The following GRIK2 variants were observed in gnomAD, a reference collection of about 807,000 sequenced individuals.
GRIK2 encodes glutamate ionotropic receptor kainate type subunit 2, also known as glutamate receptor ionotropic, kainate 2.
In GRIK2, 32 loss-of-function variants were observed where a neutral mutation model predicts 100.3. That is an observed-to-expected ratio of 0.32 (90% CI 0.24 to 0.43). GRIK2 has a LOEUF of 0.43. Among genes scored for constraint, GRIK2 ranks in the 20% least tolerant of loss-of-function variants. The probability of loss-of-function intolerance (pLI) is 1.00; values close to 1 mark genes in which losing one functional copy is unlikely to be tolerated. For missense variants in GRIK2, 843 were observed against 1,114.9 expected, an observed-to-expected ratio of 0.76 and a Z score of 3.47; for synonymous variants, 417 against 389.4, an observed-to-expected ratio of 1.07 and a Z score of -0.83.
intron 2 of GRIK2, among the ~76,000 whole-genome samples, chr6:101,604,556 C>A (rs182372430): frequency 6.6e-6 from 1 of 151,940 alleles, no homozygotes; most frequent in Admixed American, 6.6e-5. Flanking sequence ...AGAAGAATAG[C>A]CATTTTCCAA....
chr6:101,861,444 A>C (rs540713661), intron 11 of GRIK2, among the ~76,000 whole-genome samples: 2 of 152,276 alleles, frequency 1.3e-5, no homozygotes, highest in African/African-American at 4.8e-5. Context: ...TATTAACTGG[A>C]TCCTTTGCTG....
rs1770737194 is a variant in GRIK2 at position 102,043,940 on chromosome 6, C to A, written c.2311+8374C>A. On this transcript the variant is annotated intron_variant, in intron 15 of 16. Coordinates refer to ENST00000369134, the MANE Select transcript of GRIK2 (RefSeq NM_021956.5). Reference sequence around the variant, plus strand: ...TCTTGCCACCACCATGTAAAAAGTGCTTTTCACTTTCCTCTGTGATTGTGA... The same window carrying A: ...TCTTGCCACCACCATGTAAAAAGTGATTTTCACTTTCCTCTGTGATTGTGA... Among the ~76,000 whole-genome samples the A allele has an allele frequency of 2.0e-5, 3 of 151,894 alleles. 1 individual carries two copies. The South Asian group carries it at 6.2e-4, about 31-fold the overall frequency.
At chr6:102,008,659 A>T (rs556162613) in intron 14 of GRIK2, among the ~76,000 whole-genome samples, 2 of 152,222 alleles carry the variant, frequency 1.3e-5, no homozygotes, top group African/African-American at 4.8e-5. Flanking sequence ...TGTCTTTTCC[A>T]ACTGTAAAAT....
At chr6:101,723,263 TC>T (rs1439540731) in intron 7 of GRIK2, among the ~76,000 whole-genome samples, 2 of 151,890 alleles carry the variant, frequency 1.3e-5, no homozygotes, top group Non-Finnish European at 2.9e-5. Context: ...AAAAAATAAA[TC>T]TATATAAACT....
chr6:102,018,493 G>A (rs1052671242), intron 14 of GRIK2, among the ~76,000 whole-genome samples: 1 of 152,064 alleles, frequency 6.6e-6, no homozygotes, highest in Non-Finnish European at 1.5e-5. Flanking sequence ...CACCATGACT[G>A]GGTTCCCCTA....
At chr6:101,823,983 T>G (rs968847372) in intron 10 of GRIK2, among the ~76,000 whole-genome samples, 1 of 151,422 alleles carries the variant, frequency 6.6e-6, no homozygotes, top group Non-Finnish European at 1.5e-5. Flanking sequence ...TTCTCCTGCC[T>G]CAGCCTCCTG....
At chr6:101,642,773 A>G (rs1161336839) in intron 4 of GRIK2, among the ~76,000 whole-genome samples, 11 of 151,700 alleles carry the variant, frequency 7.3e-5, no homozygotes, top group Non-Finnish European at 1.6e-4. Context: ...TTGCTGGATC[A>G]TATATTACTT....
intron 2 of GRIK2, among the ~76,000 whole-genome samples, chr6:101,537,532 C>CT (rs1253600328): frequency 6.6e-6 from 1 of 150,904 alleles, no homozygotes; most frequent in East Asian, 1.9e-4. Flanking sequence ...AAAGCAATGG[C>CT]TTTTTTAAGT....
At chr6:101,792,893 G>A (rs1323643061) in intron 7 of GRIK2, among the ~76,000 whole-genome samples, 4 of 152,042 alleles carry the variant, frequency 2.6e-5, no homozygotes, top group African/African-American at 9.7e-5. Flanking sequence ...ATTTCTTGGA[G>A]GCTTTGTTCA....
At chr6:101,539,534 A>C (rs2255306) in intron 2 of GRIK2, among the ~76,000 whole-genome samples, 120,617 of 151,692 alleles carry the variant, frequency 0.8, 48,645 homozygotes, top group African/African-American at 0.93. Flanking sequence ...CAGTTTGGAT[A>C]TTTGCAATAA....
intron 7 of GRIK2, among the ~76,000 whole-genome samples, chr6:101,768,296 T>C (rs1051571024): frequency 6.6e-6 from 1 of 152,242 alleles, no homozygotes; most frequent in African/African-American, 2.4e-5. Context: ...TGCATCCATG[T>C]ACATTTTTCC....
At chr6:101,913,796 G>A (rs1322429539) in intron 12 of GRIK2, among the ~76,000 whole-genome samples, 1 of 151,510 alleles carries the variant, frequency 6.6e-6, no homozygotes, top group Non-Finnish European at 1.5e-5. Context: ...TGTTATATGA[G>A]TGTCATGTAT....
chr6:101,544,962 A>G (rs1362862942), intron 2 of GRIK2, among the ~76,000 whole-genome samples: 1 of 152,218 alleles, frequency 6.6e-6, no homozygotes, highest in Non-Finnish European at 1.5e-5. Flanking sequence ...GCTCTTTTGT[A>G]AAATAATAAA....
At chr6:101,818,871 A>G (rs1163101523) in intron 10 of GRIK2, among the ~76,000 whole-genome samples, 1 of 152,164 alleles carries the variant, frequency 6.6e-6, no homozygotes, top group East Asian at 1.9e-4. Flanking sequence ...AATATATTTC[A>G]TAGGGCATGG....
At chr6:102,020,552 C>T (rs1769371735) in intron 14 of GRIK2, among the ~76,000 whole-genome samples, 1 of 151,762 alleles carries the variant, frequency 6.6e-6, no homozygotes, top group African/African-American at 2.4e-5. Context: ...AATGAGGAAC[C>T]CAGTGAGCTA....
intron 2 of GRIK2, among the ~76,000 whole-genome samples, chr6:101,562,981 A>T (rs568417822): frequency 7.9e-5 from 12 of 152,192 alleles, no homozygotes; most frequent in Non-Finnish European, 1.8e-4. Context: ...TATGCTTGCA[A>T]TGGGGCTGTA....
chr6:101,567,054 A>G (rs983177300), intron 2 of GRIK2, among the ~76,000 whole-genome samples: 39 of 151,664 alleles, frequency 2.6e-4, no homozygotes, highest in African/African-American at 9.4e-4. Flanking sequence ...CGAGGAAGCT[A>G]GAAAGCTCTG....
Position 101,808,011 on chromosome 6 carries a change from G to GTT in GRIK2, c.1203+5577_1203+5578dup, listed in dbSNP as rs1056266322. Among the ~76,000 whole-genome samples, 13 of 151,942 alleles carry GTT rather than the reference G, an allele frequency of 8.6e-5. 1 individual carries two copies. The highest frequency in any genetic ancestry group is 3.1e-4 in the African/African-American group (13 of 41,398). On this transcript the variant is annotated intron_variant, in intron 9 of 16. Coordinates refer to ENST00000369134, the MANE Select transcript of GRIK2 (RefSeq NM_021956.5). ...TAAAATTGTTTTTTTGGTTTGTTTT[G>GTT]TTTTTGTTGTTTAGAATGTGTAACC...
intron 2 of GRIK2, among the ~76,000 whole-genome samples, chr6:101,535,503 C>T (rs1775646985): frequency 6.6e-6 from 1 of 151,618 alleles, no homozygotes; most frequent in African/African-American, 2.4e-5. Flanking sequence ...TTTGGGAAAT[C>T]GGGAATAACA....
Sources: allele counts gnomAD v4.1 joint callset (sites outside exome capture counted in the v4.1 genomes callset), GRCh38; gene constraint gnomAD v4.1.1; transcripts MANE v1.5; gene names NCBI Gene and HGNC (gene_info 2026-07-23, HGNC 2026-07-21).